The following NME7 variants were observed in gnomAD, a reference collection of about 807,000 sequenced individuals.
The protein encoded by NME7 is nucleoside diphosphate kinase 7.
Under a neutral mutation model 49.1 loss-of-function variants are expected in NME7, and 41 were observed. The ratio of observed to expected loss-of-function variants is 0.83; its 90% CI spans 0.65 to 1.08. The LOEUF is 1.08. Ranked by LOEUF, NME7 falls within the 50% of genes least tolerant of loss-of-function variation. The probability of loss-of-function intolerance (pLI) is 0.00; values close to 1 mark genes in which losing one functional copy is unlikely to be tolerated. For synonymous variants in NME7, 139 were observed against 150.6 expected, an observed-to-expected ratio of 0.92 and a Z score of 0.56; for missense variants, 423 against 463.4, an observed-to-expected ratio of 0.91 and a Z score of 0.80.
rs143853506 is a variant in NME7 at position 169,201,273 on chromosome 1, T to C, written c.990+29445A>G. On this transcript the variant is annotated intron_variant, in intron 10 of 11. Transcript: ENST00000367811. ...AAAACAAAGATTCAGTAAATTCTGC[T>C]ACATAGACAGAAAGGGGCAAGACCA... Among the ~76,000 whole-genome samples the C allele has an allele frequency of 2.6e-5, 4 of 152,202 alleles. No individual in the cohort carries two copies. The East Asian group carries it at 7.7e-4, about 29-fold the overall frequency.
intron 1 of NME7, among the ~76,000 whole-genome samples, chr1:169,356,435 AAACGTGTAGGAG>A (rs1358067236): frequency 1.3e-5 from 2 of 152,150 alleles, no homozygotes; most frequent in Non-Finnish European, 2.9e-5. Context: ...ACATCTGAAA[AAACGTGTAGGAG>A]CATTTCAGGC....
chr1:169,157,172 T>C (rs979494969), intron 11 of NME7, among the ~76,000 whole-genome samples: 1 of 152,150 alleles, frequency 6.6e-6, no homozygotes, highest in Non-Finnish European at 1.5e-5. Flanking sequence ...CATCAGGTCA[T>C]TGAGACATTT....
At chr1:169,305,008 A>G (rs1651118391) in intron 4 of NME7, among the ~76,000 whole-genome samples, 1 of 152,246 alleles carries the variant, frequency 6.6e-6, no homozygotes, top group Non-Finnish European at 1.5e-5. Context: ...GAACTACAAG[A>G]AAGGAAAAAG....
intron 11 of NME7, among the ~76,000 whole-genome samples, chr1:169,146,471 A>C (rs540123755): frequency 6.6e-6 from 1 of 152,356 alleles, no homozygotes; most frequent in South Asian, 2.1e-4. Flanking sequence ...CAATAAAATC[A>C]GGTGGTGTAC....
chr1:169,354,943 ATATAT>A (rs1653334425), intron 1 of NME7, among the ~76,000 whole-genome samples: 1 of 85,174 alleles, frequency 1.2e-5, no homozygotes, highest in Admixed American at 1.9e-4. Context: ...ATTATGTATT[ATATAT>A]TATATATGTT....
chr1:169,342,746 C>G (rs1391862848), intron 1 of NME7, among the ~76,000 whole-genome samples: 5 of 32,902 alleles, frequency 1.5e-4, no homozygotes, highest in African/African-American at 4.8e-4. Flanking sequence ...TATACAAGTA[C>G]ATATATATAG....
In NME7 at chr1:169,273,218, C is replaced by A. The variant is rs556098505; in HGVS notation, c.754+14085G>T. On this transcript the variant is annotated intron_variant, in intron 7 of 11. Transcript: ENST00000367811. ...ATGTCATCCCTCCCCTAGCCTCCCA[C>A]CCCCTGACAGGCCCCAGTGTGTGAT... 1.5e-3 allele frequency among the ~76,000 whole-genome samples: 192 copies of A among 131,384 alleles called. 21 individuals carry two copies. The highest frequency in any genetic ancestry group is 4.7e-3 in the African/African-American group (182 of 38,970). 86.2% of individuals were successfully genotyped at this position (131,384 alleles called of 152,430 possible).
At chr1:169,348,883 GAA>G (rs1406404548) in intron 1 of NME7, among the ~76,000 whole-genome samples, 1 of 109,178 alleles carries the variant, frequency 9.2e-6, no homozygotes, top group Non-Finnish European at 1.8e-5. Context: ...AAAAGCAAAA[GAA>G]AGAGTTAACT....
chr1:169,194,798 AG>A (rs1345945112), intron 10 of NME7, among the ~76,000 whole-genome samples: 1 of 152,224 alleles, frequency 6.6e-6, no homozygotes, highest in African/African-American at 2.4e-5. Flanking sequence ...TGTTAGGGGC[AG>A]AGTCAGAAAA....
chr1:169,360,986 T>G (rs1244459863), intron 1 of NME7, among the ~76,000 whole-genome samples: 1 of 152,198 alleles, frequency 6.6e-6, no homozygotes, highest in African/African-American at 2.4e-5. Context: ...TTGTCATTTT[T>G]CTTTTGTAAT....
Position 169,264,844 on chromosome 1 carries a change from G to T in NME7, c.754+22459C>A, listed in dbSNP as rs557582025. Among the ~76,000 whole-genome samples, 9 of 132,890 alleles carry T rather than the reference G, an allele frequency of 6.8e-5. 1 individual carries two copies. The East Asian group carries it at 1.8e-3, about 26-fold the overall frequency. 87.2% of individuals were successfully genotyped at this position (132,890 alleles called of 152,430 possible). On this transcript the variant is annotated intron_variant, in intron 7 of 11. Transcript: ENST00000367811. ...ACATGTATTAGTCCGTACTCATGCT[G>T]CTAATAAAGACATATCTGAGACCGG...
chr1:169,345,172 G>A (rs1305798396), intron 1 of NME7, among the ~76,000 whole-genome samples: 3 of 152,034 alleles, frequency 2.0e-5, no homozygotes, highest in African/African-American at 4.8e-5. Flanking sequence ...GGATAGGAGC[G>A]ATGTCTCCTC....
At chr1:169,160,444 A>C (rs12744655) in intron 11 of NME7, among the ~76,000 whole-genome samples, 1 of 151,780 alleles carries the variant, frequency 6.6e-6, no homozygotes. Context: ...AACTTTGTCT[A>C]CTATCTCTTA....
At chr1:169,189,804 G>A (rs965737667) in intron 10 of NME7, among the ~76,000 whole-genome samples, 11 of 152,170 alleles carry the variant, frequency 7.2e-5, no homozygotes, top group Non-Finnish European at 1.5e-5. Context: ...TGTCTCAAAT[G>A]TGACATGACT....
intron 7 of NME7, among the ~76,000 whole-genome samples, chr1:169,246,290 A>C (rs1648308904): frequency 6.6e-6 from 1 of 152,186 alleles, no homozygotes; most frequent in South Asian, 2.1e-4. Context: ...TGGGTGACAG[A>C]GCGAGACCGT....
chr1:169,320,344 TG>T (rs1460697385), intron 3 of NME7, among the ~76,000 whole-genome samples: 1 of 152,202 alleles, frequency 6.6e-6, no homozygotes, highest in Non-Finnish European at 1.5e-5. Flanking sequence ...AGCTAGTTCA[TG>T]AGTTAAGCTG....
intron 7 of NME7, among the ~76,000 whole-genome samples, chr1:169,255,005 AGGTGT>A (rs1340403536): frequency 7.4e-6 from 1 of 134,284 alleles, no homozygotes; most frequent in Non-Finnish European, 1.7e-5. Context: ...ATTTTGGAAT[AGGTGT>A]GGTGTGGTGC....
At chr1:169,347,824 A>C (rs1179631000) in intron 1 of NME7, among the ~76,000 whole-genome samples, 1 of 152,200 alleles carries the variant, frequency 6.6e-6, no homozygotes, top group Non-Finnish European at 1.5e-5. Context: ...TAATTGTGCA[A>C]TGTCCTATAT....
intron 7 of NME7, among the ~76,000 whole-genome samples, chr1:169,281,432 A>G (rs1362096015): frequency 6.6e-6 from 1 of 152,174 alleles, no homozygotes; most frequent in Non-Finnish European, 1.5e-5. Context: ...TTCCTATCTG[A>G]ATACCCTTTA....
Sources: allele counts gnomAD v4.1 joint callset (sites outside exome capture counted in the v4.1 genomes callset), GRCh38; gene constraint gnomAD v4.1.1; transcripts MANE v1.5; gene names NCBI Gene and HGNC (gene_info 2026-07-23, HGNC 2026-07-21).